Variants in SLC7A1 observed in about 807,000 individuals in gnomAD.
The protein encoded by SLC7A1 is solute carrier family 7 member 1, also known as high affinity cationic amino acid transporter 1.
In SLC7A1, 10 loss-of-function variants were observed where a neutral mutation model predicts 53.9. The observed-to-expected ratio is 0.19, with a 90% confidence interval of 0.11 to 0.31. SLC7A1 has a LOEUF of 0.31. SLC7A1 is among the 10% of genes least tolerant of loss of function. SLC7A1 has a pLI of 1.00. For missense variants in SLC7A1, 525 were observed against 827.2 expected (o/e 0.63, Z 4.48); for synonymous variants, 342 against 338.7 (o/e 1.01, Z -0.11).
intron 2 of SLC7A1, among the ~76,000 whole-genome samples, chr13:29,548,405 C>A (rs764940823): frequency 6.6e-6 from 1 of 152,238 alleles, no homozygotes; most frequent in African/African-American, 2.4e-5. Context: ...GCCCACTGGA[C>A]AACAGGTGGC....
chr13:29,546,923 C>T (rs1479564744), intron 2 of SLC7A1, among the ~76,000 whole-genome samples: 2 of 152,186 alleles, frequency 1.3e-5, no homozygotes, highest in African/African-American at 2.4e-5. Context: ...AGGAAGCAAT[C>T]GAGTCACAAT....
At chr13:29,541,059 G>T (rs961153990) in intron 2 of SLC7A1, among the ~76,000 whole-genome samples, 8 of 152,140 alleles carry the variant, frequency 5.3e-5, no homozygotes, top group African/African-American at 1.7e-4. Context: ...TGCAGCCACA[G>T]GTGGGAGAAG....
intron 2 of SLC7A1, among the ~76,000 whole-genome samples, chr13:29,536,473 C>T (rs937914854): frequency 1.3e-5 from 2 of 152,170 alleles, no homozygotes; most frequent in African/African-American, 4.8e-5. Context: ...AGCAGGTCCT[C>T]TTAATGGAGA....
chr13:29,552,432 G>A (rs547063108), intron 2 of SLC7A1, among the ~76,000 whole-genome samples: 1 of 152,218 alleles, frequency 6.6e-6, no homozygotes, highest in East Asian at 1.9e-4. Flanking sequence ...CAAATGTTGG[G>A]AACAGGCCCC....
In SLC7A1 at chr13:29,523,340, G is replaced by T; in HGVS notation, c.975C>A (p.Asp325Glu). ...CTTCCCAGCCCACGTGCTTAAAGGC[G>T]TCGGGCAGGGGGCTGTTATTGTCCA... Reference protein sequence around the residue: ...FCLDNNSPLPDAFKHVGWEGA... With the variant: ...FCLDNNSPLPEAFKHVGWEGA... Residue 325 changes from aspartate (D) to glutamate (E), a missense_variant, in exon 7 of 13, where the codon GAC (aspartate) becomes GAA (glutamate). This residue lies in a region of SLC7A1 where 354 missense variants were observed against 587.5 expected (regional missense o/e 0.60). Transcript: ENST00000380752. The T allele has an allele frequency of 6.2e-7, 1 of 1,613,804 alleles. No individual in the cohort carries two copies. The highest frequency in any genetic ancestry group is 1.3e-5 in the African/African-American group (1 of 74,996).
intron 7 of SLC7A1, among the ~76,000 whole-genome samples, chr13:29,522,943 C>A (rs1566254368): frequency 6.6e-6 from 1 of 152,158 alleles, no homozygotes; most frequent in African/African-American, 2.4e-5. Flanking sequence ...GACAGCTAAA[C>A]TGAGGGCCAA....
At chr13:29,551,226 C>G (rs1870168891) in intron 2 of SLC7A1, among the ~76,000 whole-genome samples, 1 of 152,212 alleles carries the variant, frequency 6.6e-6, no homozygotes, top group Non-Finnish European at 1.5e-5. Context: ...AATGATCGAT[C>G]CATGCAACAA....
chr13:29,536,325 C>CT (rs1029900057), intron 2 of SLC7A1, 123 bp from the exon 3 acceptor site: 8 of 1,020,960 alleles, frequency 7.8e-6, no homozygotes, highest in African/African-American at 6.4e-5. Flanking sequence ...TGCTAAAACG[C>CT]TTTAATTCGT....
At position 29,524,228 on chromosome 13, in the gene SLC7A1, C is replaced by A; in HGVS notation, c.730G>T (p.Val244Phe). 2 of 1,614,196 alleles carry A rather than the reference C, an allele frequency of 1.2e-6. No homozygotes were observed. Among genetic ancestry groups the A allele is most frequent in the Non-Finnish European group, 1.7e-6 (2 of 1,180,006 alleles). The change falls in exon 6 of 13, where the codon GTT (valine) becomes TTT (phenylalanine). Residue 244 changes from valine to phenylalanine, a missense_variant. Coordinates refer to ENST00000380752, the MANE Select transcript of SLC7A1 (RefSeq NM_003045.5). The part of the protein sequence containing the change: ...NNDTKEGKPG[V>F]GGFMPFGFSG... ...AACCCGAAGGGCATGAATCCACCAA[C>A]ACCGGGCTTCCCTTCTTTTGTGTCA... is the stretch of plus-strand genomic sequence containing the variant.
chr13:29,576,723 A>G (rs1871430510), intron 1 of SLC7A1, among the ~76,000 whole-genome samples: 1 of 149,440 alleles, frequency 6.7e-6, no homozygotes, highest in African/African-American at 2.5e-5. Context: ...AATGAGGAGG[A>G]AAAAAAAAAG....
chr13:29,574,882 G>A (rs1197796831), intron 1 of SLC7A1, among the ~76,000 whole-genome samples: 5 of 152,082 alleles, frequency 3.3e-5, no homozygotes, highest in Non-Finnish European at 7.4e-5. Context: ...CTGACCTCGT[G>A]ATCCACCTGC....
chr13:29,561,580 G>A (rs1870757982), intron 1 of SLC7A1, among the ~76,000 whole-genome samples: 1 of 152,176 alleles, frequency 6.6e-6, no homozygotes, highest in African/African-American at 2.4e-5. Context: ...ATATTGTCTT[G>A]AAATTTCCAT....
intron 1 of SLC7A1, among the ~76,000 whole-genome samples, chr13:29,584,706 C>T (rs895094516): frequency 6.6e-6 from 1 of 151,840 alleles, no homozygotes; most frequent in Admixed American, 6.6e-5. Context: ...GACTTAAAGA[C>T]ATTTATTTTC....
At chr13:29,592,582 C>A (rs1872155441) in intron 1 of SLC7A1, among the ~76,000 whole-genome samples, 2 of 152,162 alleles carry the variant, frequency 1.3e-5, no homozygotes, top group South Asian at 4.1e-4. Flanking sequence ...AGATCATGAC[C>A]CACACTGAAC....
intron 1 of SLC7A1, among the ~76,000 whole-genome samples, chr13:29,567,561 C>G (rs1871021343): frequency 6.6e-6 from 1 of 152,228 alleles, no homozygotes; most frequent in Non-Finnish European, 1.5e-5. Flanking sequence ...GCTCAAAGGG[C>G]TTGGCCGCAG....
chr13:29,553,696 T>C (rs540799746), intron 2 of SLC7A1, 65 bp downstream of exon 2: 1 of 152,302 alleles, frequency 6.6e-6, no homozygotes, highest in South Asian at 2.1e-4. Context: ...TCTAAATGAA[T>C]AACATATTCT....
intron 1 of SLC7A1, among the ~76,000 whole-genome samples, chr13:29,555,431 C>G (rs149132630): frequency 0.01 from 1,437 of 143,040 alleles, 15 homozygotes; most frequent in African/African-American, 0.035. Context: ...ACCAGTGGAA[C>G]TGAACATTAA....
intron 1 of SLC7A1, among the ~76,000 whole-genome samples, chr13:29,566,912 A>T (rs1870991301): frequency 6.6e-6 from 1 of 152,176 alleles, no homozygotes; most frequent in Admixed American, 6.5e-5. Context: ...TCTCCCACAT[A>T]CTTTAATTCT....
Position 29,530,306 on chromosome 13 carries a change from A to G in SLC7A1, c.704+232T>C, listed in dbSNP as rs1869089990. Among the ~76,000 whole-genome samples the G allele has an allele frequency of 1.3e-5, 2 of 152,204 alleles. 1 individual carries two copies. Among genetic ancestry groups the G allele is most frequent in the South Asian group, 4.1e-4 (2 of 4,834 alleles). On this transcript the variant is annotated intron_variant, in intron 5 of 12. Transcript: ENST00000380752. ...TTAGGGTGATGATTTTCTTTTCCTC[A>G]GTCTTTCTTGTCATACAATAGTCTT... is the stretch of plus-strand genomic sequence containing the variant.
Sources: gnomAD v4.1 joint callset for allele counts (sites outside exome capture counted in the v4.1 genomes callset) on GRCh38, gnomAD v4.1.1 for gene constraint, gnomAD v4.1.1 regional missense constraint, MANE v1.5 for transcripts, NCBI Gene and HGNC (gene_info 2026-07-23, HGNC 2026-07-21) for gene names.